The following PFKFB1 variants were observed in gnomAD, a reference collection of about 807,000 sequenced individuals.
PFKFB1 encodes 6-phosphofructo-2-kinase/fructose-2,6-bisphosphatase 1.
Under a neutral mutation model 46.4 loss-of-function variants are expected in PFKFB1, and 34 were observed. That is an observed-to-expected ratio of 0.73 (90% CI 0.56 to 0.98). The LOEUF is 0.98. Among genes scored for constraint, PFKFB1 ranks in the 50% least tolerant of loss-of-function variants. The pLI is 0.00. For synonymous variants in PFKFB1, 119 were observed against 133.8 expected (o/e 0.89, Z 0.76); for missense variants, 393 against 376.3 (o/e 1.04, Z -0.37).
upstream of PFKFB1, chrX:54,998,512 C>G (rs954714815): frequency 4.5e-6 from 4 of 879,690 alleles, no homozygotes; most frequent in Non-Finnish European, 6.4e-6. Context: ...AAAGAGGAAG[C>G]CTGGAGGTGT....
intron 7 of PFKFB1, among the ~76,000 whole-genome samples, chrX:54,955,504 A>G (rs1245031757): frequency 9.0e-6 from 1 of 110,797 alleles, no homozygotes; most frequent in African/African-American, 3.3e-5. Flanking sequence ...GGGTCTTCTC[A>G]TATGTCAAAG....
At chrX:54,958,598 T>C (rs902555920) in intron 5 of PFKFB1, among the ~76,000 whole-genome samples, 19 of 110,493 alleles carry the variant, frequency 1.7e-4, no homozygotes, top group Non-Finnish European at 3.0e-4. Flanking sequence ...TTATATAAGT[T>C]TTTTGTAGTG....
chrX:54,994,628 T>C (rs766252755), upstream of PFKFB1: 13 of 752,729 alleles, frequency 1.7e-5, no homozygotes, highest in South Asian at 8.9e-4. Flanking sequence ...AGCTGGCAAT[T>C]AGAGGCCCAA....
At chrX:54,962,592 G>T (rs1934348307) in intron 2 of PFKFB1, among the ~76,000 whole-genome samples, 1 of 111,885 alleles carries the variant, frequency 8.9e-6, no homozygotes, top group Non-Finnish European at 1.9e-5. Flanking sequence ...ATGGGAAAAA[G>T]AAACAAAAAT....
At chrX:54,939,032 C>T (rs1291164002) in intron 10 of PFKFB1, among the ~76,000 whole-genome samples, 1 of 111,727 alleles carries the variant, frequency 9.0e-6, no homozygotes, top group African/African-American at 3.3e-5. Context: ...GAAATTATAA[C>T]AAACTGTCTC....
At chrX:54,978,246 A>C in intron 1 of PFKFB1, among the ~76,000 whole-genome samples, 1 of 111,771 alleles carries the variant, frequency 8.9e-6, no homozygotes, top group Non-Finnish European at 1.9e-5. Context: ...AAAATAAATA[A>C]GTTGAGTATT....
intron 3 of PFKFB1, among the ~76,000 whole-genome samples, chrX:54,960,275 C>T (rs1273840984): frequency 2.7e-5 from 3 of 112,650 alleles, no homozygotes; most frequent in African/African-American, 9.6e-5. Flanking sequence ...GCATGGGTAA[C>T]ACACAGGCAT....
chrX:54,950,762 G>T (rs1433732874), intron 8 of PFKFB1, among the ~76,000 whole-genome samples: 1 of 112,478 alleles, frequency 8.9e-6, no homozygotes, highest in Non-Finnish European at 1.9e-5. Flanking sequence ...TCTACCTCGA[G>T]GGGAGGCTGT....
intron 1 of PFKFB1, among the ~76,000 whole-genome samples, chrX:54,974,627 T>C (rs1238547167): frequency 8.9e-6 from 1 of 111,880 alleles, no homozygotes; most frequent in African/African-American, 3.2e-5. Context: ...CTAAAATGCT[T>C]CTGTGCAGTA....
At chrX:54,933,528 C>T in intron 13 of PFKFB1, 66 bp from the exon 14 acceptor site, 1 of 885,522 alleles carries the variant, frequency 1.1e-6, no homozygotes, top group South Asian at 2.1e-5. Flanking sequence ...TCTCCCCTGC[C>T]TCTTGTCTTC....
At chrX:54,956,733 A>G (rs991436235) in intron 6 of PFKFB1, among the ~76,000 whole-genome samples, 2 of 110,158 alleles carry the variant, frequency 1.8e-5, no homozygotes, top group Non-Finnish European at 3.8e-5. Flanking sequence ...TCCTCATCTC[A>G]GGTACTGGCA....
chrX:54,940,479 A>T (rs1310299112), intron 10 of PFKFB1, among the ~76,000 whole-genome samples: 1 of 112,010 alleles, frequency 8.9e-6, no homozygotes, highest in South Asian at 3.8e-4. Flanking sequence ...ACATGATTGT[A>T]TATTTAGAAA....
At chrX:54,960,235 A>G (rs761889130) in intron 3 of PFKFB1, among the ~76,000 whole-genome samples, 1 of 112,798 alleles carries the variant, frequency 8.9e-6, no homozygotes, top group Admixed American at 9.4e-5. Flanking sequence ...CAAGTAGAGC[A>G]TGTGGTCTGT....
At chrX:54,947,330 T>C (rs1329640779) in intron 9 of PFKFB1, among the ~76,000 whole-genome samples, 1 of 111,750 alleles carries the variant, frequency 8.9e-6, no homozygotes, top group Non-Finnish European at 1.9e-5. Flanking sequence ...TCTACCCTAT[T>C]TAGCCTGAAA....
intron 1 of PFKFB1, among the ~76,000 whole-genome samples, chrX:54,988,148 C>T (rs1329388355): frequency 9.0e-6 from 1 of 111,386 alleles, no homozygotes; most frequent in Non-Finnish European, 1.9e-5. Flanking sequence ...AGCAATGTTG[C>T]AGAATATAAG....
chrX:54,996,479 G>GGAAATCTGA (rs1395802825), upstream of PFKFB1, among the ~76,000 whole-genome samples: 2 of 112,242 alleles, frequency 1.8e-5, no homozygotes, highest in Admixed American at 9.4e-5. Context: ...TTTAGCAGCA[G>GGAAATCTGA]GAAATCTGAG....
intron 4 of PFKFB1, among the ~76,000 whole-genome samples, chrX:54,959,425 A>G (rs1340609011): frequency 1.8e-5 from 2 of 112,334 alleles, no homozygotes; most frequent in Admixed American, 1.9e-4. Context: ...TAGCCAAAAT[A>G]TTGACTAGAT....
At chrX:54,994,584 A>G (rs758369327), upstream of PFKFB1, 3 of 754,005 alleles carry the variant, frequency 4.0e-6, no homozygotes, top group Non-Finnish European at 4.7e-6. Flanking sequence ...AAAAACACAA[A>G]CACAAAGTCC....
chrX:54,969,901 A>G (rs1367847477), intron 1 of PFKFB1, among the ~76,000 whole-genome samples: 6 of 111,888 alleles, frequency 5.4e-5, no homozygotes, highest in African/African-American at 1.9e-4. Context: ...CAGGAAATCT[A>G]TAATTTATTT....
Sources: allele counts gnomAD v4.1 joint callset (sites outside exome capture counted in the v4.1 genomes callset), GRCh38; gene constraint gnomAD v4.1.1; transcripts MANE v1.5; gene names NCBI Gene and HGNC (gene_info 2026-07-23, HGNC 2026-07-21).